Variants in PCLAF observed in about 807,000 individuals in gnomAD.
PCLAF encodes PCNA-associated factor.
Under a neutral mutation model 15.1 loss-of-function variants are expected in PCLAF, and 12 were observed. That is an observed-to-expected ratio of 0.79 (90% CI 0.51 to 1.29). PCLAF has a LOEUF of 1.29. Ranked by LOEUF, PCLAF falls within the 50% of genes most tolerant of loss-of-function variation. The pLI is 0.00. For missense variants in PCLAF, 116 were observed against 130.9 expected, an observed-to-expected ratio of 0.89 and a Z score of 0.56; for synonymous variants, 33 against 47.1, an observed-to-expected ratio of 0.70 and a Z score of 1.22.
intron 3 of PCLAF, among the ~76,000 whole-genome samples, chr15:64,372,480 G>C (rs949350329): frequency 6.6e-6 from 1 of 151,976 alleles, no homozygotes; most frequent in East Asian, 1.9e-4. Context: ...CGGGCGTGGC[G>C]GCGTGCGCCT....
intron 3 of PCLAF, among the ~76,000 whole-genome samples, 164 bp downstream of exon 3, chr15:64,376,579 C>T (rs1170734320): frequency 1.3e-5 from 2 of 152,048 alleles, no homozygotes; most frequent in Admixed American, 6.6e-5. Flanking sequence ...ACCAGCACGC[C>T]GAGCTAATTT....
At position 64,376,883 on chromosome 15, in the gene PCLAF, C is replaced by T; in HGVS notation, c.150G>A (p.Gly50=). ...SRKAENKYAG[G]NPVCVRPTPK... The stretch of plus-strand genomic sequence containing the variant: ...GAGTTGGGCGCACGCAAACGGGGTT[C>T]CCTCCTGCATATTTATTTTCAGCTG... The change falls in exon 3 of 4, where the codon GGG becomes GGA. Residue 50 remains glycine (G), a synonymous_variant. Coordinates refer to ENST00000300035, the MANE Select transcript of PCLAF (RefSeq NM_014736.6). 4.3e-6 allele frequency: 7 copies of T among 1,613,712 alleles called. No individual in the cohort carries two copies. Among genetic ancestry groups the T allele is most frequent in the Non-Finnish European group, 5.9e-6 (7 of 1,179,844 alleles).
rs754525854 is a variant in PCLAF, at chr15:64,381,036, C to T, written c.49G>A (p.Val17Met). 6 of 1,613,942 alleles carry T rather than the reference C, an allele frequency of 3.7e-6. No individual in the cohort carries two copies. The highest frequency in any genetic ancestry group is 5.1e-6 in the Non-Finnish European group (6 of 1,179,984). ...DSVPGTYRKV[V>M]AARAPRKVLG... The stretch of plus-strand genomic sequence containing the variant: ...ACCTTTCTGGGGGCTCGAGCAGCCA[C>T]CACTGTGAAGAGAGGCAAAAAAGGG... The change falls in exon 2 of 4, where the codon GTG becomes ATG. Residue 17 changes from valine to methionine, a missense_variant and splice_region_variant. Physicochemically the swap from Val to Met is conservative, Grantham distance 21 (BLOSUM62 1). Coordinates refer to ENST00000300035, the MANE Select transcript of PCLAF (RefSeq NM_014736.6).
At position 64,376,981 on chromosome 15, in the gene PCLAF, C is replaced by T. The variant is rs2140529401; in HGVS notation, c.128-76G>A. ...TATTCCTTAAACAACTTAATTCCTT[C>T]TTTAACATCAAATTCTCAAAGGTAT... On this transcript the variant is annotated intron_variant, in intron 2 of 3. Coordinates refer to ENST00000300035, the MANE Select transcript of PCLAF (RefSeq NM_014736.6). 4 of 1,144,070 alleles carry T rather than the reference C, an allele frequency of 3.5e-6. No homozygotes were observed. The African/African-American group carries it at 4.6e-5, about 13-fold the overall frequency. 70.9% of individuals were successfully genotyped at this position (1,144,070 alleles called of 1,614,324 possible).
At chr15:64,377,027 T>G (rs1334466150) in intron 2 of PCLAF, 122 bp from the exon 3 acceptor site, 64 of 726,922 alleles carry the variant, frequency 8.8e-5, no homozygotes, top group Admixed American at 8.6e-4. Context: ...TTATTTAAGA[T>G]ATACAACTTA....
intron 2 of PCLAF, among the ~76,000 whole-genome samples, chr15:64,380,354 G>T (rs1343069650): frequency 6.6e-6 from 1 of 152,050 alleles, no homozygotes; most frequent in Non-Finnish European, 1.5e-5. Context: ...TTGCACTGCA[G>T]CCTGGGCAAC....
intron 3 of PCLAF, among the ~76,000 whole-genome samples, chr15:64,371,329 G>C (rs574321925): frequency 4.0e-4 from 61 of 151,194 alleles, no homozygotes; most frequent in African/African-American, 1.4e-3. Context: ...GCAGTAGCGC[G>C]ATCTCAGCTC....
chr15:64,368,715 A>T (rs993531152), intron 3 of PCLAF, among the ~76,000 whole-genome samples: 5 of 150,790 alleles, frequency 3.3e-5, no homozygotes, highest in African/African-American at 1.2e-4. Context: ...AATAATATAA[A>T]CCTCTATTAC....
At chr15:64,381,517 C>A, upstream of PCLAF, 1 of 1,539,890 alleles carries the variant, frequency 6.5e-7, no homozygotes. Context: ...AGCCACCGCT[C>A]CCATTGGTTC....
chr15:64,376,929 C>T (rs1411342859), intron 2 of PCLAF, 24 bp from the exon 3 acceptor site: 1 of 1,599,516 alleles, frequency 6.3e-7, no homozygotes, highest in East Asian at 2.2e-5. Context: ...ACAGATGGAA[C>T]TAGATAAGTG....
intron 3 of PCLAF, among the ~76,000 whole-genome samples, chr15:64,375,165 C>T (rs1418086429): frequency 6.6e-6 from 1 of 152,036 alleles, no homozygotes. Context: ...CGCTCTGTCC[C>T]CCAGGCTGGA....
rs150092906 is a variant in PCLAF, at chr15:64,376,870, C to T, written c.163G>A (p.Val55Met). 130 of 1,613,752 alleles carry T rather than the reference C, an allele frequency of 8.1e-5. No individual in the cohort carries two copies. The highest frequency in any genetic ancestry group is 2.9e-4 in the African/African-American group (22 of 74,884). ...NKYAGGNPVCVRPTPKWQKGI... is the reference protein window; with the variant it reads ...NKYAGGNPVCMRPTPKWQKGI... Reference sequence around the variant, plus strand: ...TTTTGCCACTTGGGAGTTGGGCGCACGCAAACGGGGTTCCCTCCTGCATAT... The same window carrying T: ...TTTTGCCACTTGGGAGTTGGGCGCATGCAAACGGGGTTCCCTCCTGCATAT... The change falls in exon 3 of 4, where the codon GTG (valine) becomes ATG (methionine). Residue 55 changes from valine (V) to methionine (M), a missense_variant. Coordinates refer to ENST00000300035, the MANE Select transcript of PCLAF (RefSeq NM_014736.6).
At chr15:64,374,962 T>A (rs1899548144) in intron 3 of PCLAF, among the ~76,000 whole-genome samples, 1 of 152,070 alleles carries the variant, frequency 6.6e-6, no homozygotes, top group African/African-American at 2.4e-5. Context: ...ACACCAAGTT[T>A]GGTGTGTGTA....
chr15:64,371,917 CACCTCCT>C (rs1899332743), intron 3 of PCLAF, among the ~76,000 whole-genome samples: 1 of 15,290 alleles, frequency 6.5e-5, no homozygotes, highest in Non-Finnish European at 2.9e-4. Context: ...TTTTTTAACC[CACCTCCT>C]GCACAAAAAA....
At chr15:64,371,257 T>G (rs1439621167) in intron 3 of PCLAF, among the ~76,000 whole-genome samples, 1 of 150,756 alleles carries the variant, frequency 6.6e-6, no homozygotes, top group Non-Finnish European at 1.5e-5. Context: ...CGTGAGCCAC[T>G]GCACTTGGCT....
intron 3 of PCLAF, among the ~76,000 whole-genome samples, chr15:64,375,731 T>C (rs72758937): frequency 0.045 from 6,794 of 152,212 alleles, 198 homozygotes; most frequent in South Asian, 0.086. Context: ...CTGGTAGTTT[T>C]TTAAGGGACA....
In PCLAF at chr15:64,381,414, C is replaced by G. The variant is rs759261855; in HGVS notation, c.-43G>C. On this transcript the variant is annotated 5_prime_UTR_variant, in exon 1 of 4. Coordinates refer to ENST00000300035, the MANE Select transcript of PCLAF (RefSeq NM_014736.6). ...GGAGAGGAGAGAACGAACTGACTTC[C>G]CAGCCGAGGGTGTTTCACTGGACAA... The G allele has an allele frequency of 2.5e-6, 4 of 1,613,992 alleles. No individual in the cohort carries two copies. Among genetic ancestry groups the G allele is most frequent in the African/African-American group, 1.3e-5 (1 of 75,034 alleles).
intron 1 of PCLAF, 74 bp from the exon 2 acceptor site, chr15:64,381,112 C>T (rs1899802664): frequency 6.9e-7 from 1 of 1,439,536 alleles, no homozygotes; most frequent in South Asian, 1.2e-5. Context: ...ACCCCAGCAG[C>T]TTGGAGAGGA....
At chr15:64,376,621 G>A in intron 3 of PCLAF, 122 bp downstream of exon 3, 1 of 682,420 alleles carries the variant, frequency 1.5e-6, no homozygotes, top group South Asian at 2.0e-5. Context: ...GTTCCACCAT[G>A]TTGGACAGGC....
Sources: gnomAD v4.1 joint callset for allele counts (sites outside exome capture counted in the v4.1 genomes callset) on GRCh38, gnomAD v4.1.1 for gene constraint, MANE v1.5 for transcripts, NCBI Gene and HGNC (gene_info 2026-07-23, HGNC 2026-07-21) for gene names.